The following MED12L variants were observed in gnomAD, a reference collection of about 807,000 sequenced individuals.
MED12L encodes mediator complex subunit 12L.
Under a neutral mutation model 281.3 loss-of-function variants are expected in MED12L, and 60 were observed. The ratio of observed to expected loss-of-function variants is 0.21; its 90% CI spans 0.17 to 0.26. The LOEUF is 0.26. Ranked by LOEUF, MED12L falls within the 10% of genes least tolerant of loss-of-function variation. The pLI is 1.00. For synonymous variants in MED12L, 974 were observed against 987.2 expected (o/e 0.99, Z 0.25); for missense variants, 2,146 against 2,680.9 (o/e 0.80, Z 4.41).
rs181578510 is a variant in MED12L at position 151,272,587 on chromosome 3, T to C, written c.2251-77472T>C. ...TTTCAGTGTGGATATTCTTACAAAG[T>C]GCATACTCGGGAAAGGTTGTTTGTC... is the stretch of plus-strand genomic sequence containing the variant. On this transcript the variant is annotated intron_variant, in intron 16 of 44. Coordinates refer to ENST00000687756, the MANE Select transcript of MED12L (RefSeq NM_001393769.1). 1.8e-3 allele frequency among the ~76,000 whole-genome samples: 278 copies of C among 152,334 alleles called. 1 individual carries two copies. Among genetic ancestry groups the C allele is most frequent in the Middle Eastern group, 0.014 (4 of 294 alleles).
At chr3:151,183,031 AT>A (rs769825623) in intron 11 of MED12L, among the ~76,000 whole-genome samples, 5 of 152,178 alleles carry the variant, frequency 3.3e-5, no homozygotes, top group Non-Finnish European at 5.9e-5. Context: ...GATTTCCACT[AT>A]GTTTAGATAG....
chr3:151,121,717 TTTTTA>T (rs1713784108), intron 3 of MED12L, among the ~76,000 whole-genome samples: 1 of 152,056 alleles, frequency 6.6e-6, no homozygotes, highest in Non-Finnish European at 1.5e-5. Flanking sequence ...TTATTTTTTA[TTTTTA>T]TTTTTATTTT....
chr3:151,113,861 GTTAGT>G (rs1426247407), intron 2 of MED12L, among the ~76,000 whole-genome samples: 1 of 152,168 alleles, frequency 6.6e-6, no homozygotes, highest in African/African-American at 2.4e-5. Context: ...CTGATCTGGT[GTTAGT>G]TTAAAGTAAA....
In MED12L at chr3:151,430,296, C is replaced by T. The variant is rs752323712; in HGVS notation, c.6409-3C>T. ...TCTGTCCTTTCTCCTGTCGCCATTACAGTTTCCCAGGCAAGGCTTGCAGCA... is the reference window on the plus strand; with the variant it reads ...TCTGTCCTTTCTCCTGTCGCCATTATAGTTTCCCAGGCAAGGCTTGCAGCA... On this transcript the variant is annotated splice_region_variant and splice_polypyrimidine_tract_variant and intron_variant, in intron 43 of 44. Coordinates refer to ENST00000687756, the MANE Select transcript of MED12L (RefSeq NM_001393769.1). 6.2e-7 allele frequency: 1 copy of T among 1,614,112 alleles called. No individual in the cohort carries two copies. The highest frequency in any genetic ancestry group is 2.2e-5 in the East Asian group (1 of 44,874).
intron 16 of MED12L, among the ~76,000 whole-genome samples, chr3:151,299,269 G>A (rs565458228): frequency 1.3e-5 from 2 of 152,256 alleles, no homozygotes; most frequent in Admixed American, 6.5e-5. Flanking sequence ...AATAATAAAA[G>A]TCATTCAAAT....
intron 32 of MED12L, among the ~76,000 whole-genome samples, chr3:151,382,233 A>G (rs906063990): frequency 1.1e-4 from 16 of 152,246 alleles, no homozygotes; most frequent in Admixed American, 9.8e-4. Context: ...CTTCTCTTCT[A>G]TAAAACATCA....
At position 151,381,145 on chromosome 3, in the gene MED12L, T is replaced by A. The variant is rs146656745; in HGVS notation, c.4590+921T>A. Among the ~76,000 whole-genome samples the A allele has an allele frequency of 3.8e-3, 573 of 152,314 alleles. 1 individual carries two copies. The highest frequency in any genetic ancestry group is 0.013 in the African/African-American group (555 of 41,560). Reference sequence around the variant, plus strand: ...ATTAAGCAAAGTGGATAGATTGGTCTTATGAGGTGTTTTATCCTGATACAC... The same window carrying A: ...ATTAAGCAAAGTGGATAGATTGGTCATATGAGGTGTTTTATCCTGATACAC... On this transcript the variant is annotated intron_variant, in intron 32 of 44. Transcript: ENST00000687756.
At chr3:151,418,040 C>T (rs892475684) in intron 43 of MED12L, among the ~76,000 whole-genome samples, 8 of 152,064 alleles carry the variant, frequency 5.3e-5, no homozygotes, top group Non-Finnish European at 1.2e-4. Context: ...ACGAGATACA[C>T]CTTTTGTTTT....
In MED12L at chr3:151,432,043, A is replaced by G. The variant is rs76942356; in HGVS notation, c.6491-709A>G. 8.4e-3 allele frequency among the ~76,000 whole-genome samples: 1,278 copies of G among 152,310 alleles called. 19 individuals carry two copies. Among genetic ancestry groups the G allele is most frequent in the African/African-American group, 0.029 (1,217 of 41,582 alleles). On this transcript the variant is annotated intron_variant, in intron 44 of 44. Coordinates refer to ENST00000687756, the MANE Select transcript of MED12L (RefSeq NM_001393769.1). ...CTGATAAGCAGTTATGCCACACTCC[A>G]TTGTTGAAGGGTGGTGACTAAACTG...
rs551243123 is a variant in MED12L, at chr3:151,284,766, A to C, written c.2251-65293A>C. On this transcript the variant is annotated intron_variant, in intron 16 of 44. Coordinates refer to ENST00000687756, the MANE Select transcript of MED12L (RefSeq NM_001393769.1). Reference sequence around the variant, plus strand: ...TGGGATTACAGGCATGCACCACCACACCTGGCTAATTTTGTATTTTCAGTA... The same window carrying C: ...TGGGATTACAGGCATGCACCACCACCCCTGGCTAATTTTGTATTTTCAGTA... Among the ~76,000 whole-genome samples, 3 of 152,210 alleles carry C rather than the reference A, an allele frequency of 2.0e-5. No individual in the cohort carries two copies. The East Asian group carries it at 5.8e-4, about 29-fold the overall frequency.
intron 3 of MED12L, among the ~76,000 whole-genome samples, chr3:151,118,447 TTG>T (rs931861498): frequency 1.3e-5 from 2 of 152,220 alleles, no homozygotes; most frequent in African/African-American, 4.8e-5. Flanking sequence ...GTTTTTAGTT[TTG>T]TCTTTTTTCA....
rs1232992599 is a variant in MED12L at position 151,085,724 on chromosome 3, T to C, written c.-342T>C. Reference sequence around the variant, plus strand: ...CTCGGAAGCTCGCGCTCCCGGGCCGTGGGGGCGAGAACGCCGGCGGCGAGC... The same window carrying C: ...CTCGGAAGCTCGCGCTCCCGGGCCGCGGGGGCGAGAACGCCGGCGGCGAGC... On this transcript the variant is annotated 5_prime_UTR_variant, in exon 1 of 45. Transcript: ENST00000687756. The C allele has an allele frequency of 1.3e-5, 2 of 151,960 alleles. No homozygotes were observed. Among genetic ancestry groups the C allele is most frequent in the Admixed American group, 1.3e-4 (2 of 15,258 alleles). 9.4% of individuals were successfully genotyped at this position (151,960 alleles called of 1,614,324 possible). A position where few individuals can be genotyped will look rare whatever the true frequency, so the allele number is the denominator to read the frequency against.
Position 151,243,824 on chromosome 3 carries a change from A to C in MED12L, c.2250+50158A>C, listed in dbSNP as rs892844878. Reference sequence around the variant, plus strand: ...CCAATTAAACGACACAGACTGGCAAATTGGATAAAGAGTCAAGACCCATCA... The same window carrying C: ...CCAATTAAACGACACAGACTGGCAACTTGGATAAAGAGTCAAGACCCATCA... On this transcript the variant is annotated intron_variant, in intron 16 of 44. Transcript: ENST00000687756. Among the ~76,000 whole-genome samples, 3 of 151,328 alleles carry C rather than the reference A, an allele frequency of 2.0e-5. No homozygotes were observed. In the South Asian group the frequency reaches 6.3e-4, roughly 32 times the overall value.
At chr3:151,093,284 A>G (rs1011477993) in intron 2 of MED12L, among the ~76,000 whole-genome samples, 4 of 152,204 alleles carry the variant, frequency 2.6e-5, no homozygotes, top group Admixed American at 2.0e-4. Flanking sequence ...AGCTTGGGCT[A>G]TAGAGTGGTA....
chr3:151,152,085 G>GTTTTTTTTTTTTTTTTTTTTTTTTTTTT (rs141353889), intron 5 of MED12L, among the ~76,000 whole-genome samples: 1 of 62,984 alleles, frequency 1.6e-5, no homozygotes, highest in African/African-American at 6.3e-5. Context: ...GTTGAAGGTG[G>GTTTTTTTTTTTTTTTTTTTTTTTTTTTT]TTTTTTTTTT....
intron 21 of MED12L, among the ~76,000 whole-genome samples, chr3:151,364,495 C>T (rs1188739205): frequency 2.0e-5 from 3 of 152,120 alleles, no homozygotes; most frequent in Admixed American, 6.5e-5. Context: ...CACAGCTGTG[C>T]CATAGTCTCC....
chr3:151,229,750 C>G (rs1406885119), intron 16 of MED12L, among the ~76,000 whole-genome samples: 1 of 152,086 alleles, frequency 6.6e-6, no homozygotes, highest in Admixed American at 6.5e-5. Flanking sequence ...CAGGCATGAG[C>G]CACTGCGCCA....
chr3:151,207,250 A>G (rs968075667), intron 16 of MED12L, among the ~76,000 whole-genome samples: 12 of 152,146 alleles, frequency 7.9e-5, no homozygotes, highest in African/African-American at 2.9e-4. Context: ...TCAAGTATTT[A>G]TGAAAAATTA....
chr3:151,142,565 C>T (rs949455963), intron 5 of MED12L, among the ~76,000 whole-genome samples: 5 of 152,194 alleles, frequency 3.3e-5, no homozygotes, highest in African/African-American at 1.2e-4. Context: ...CCCCTCCTTA[C>T]ATAGTTTAGA....
Sources: allele counts gnomAD v4.1 joint callset (sites outside exome capture counted in the v4.1 genomes callset), GRCh38; gene constraint gnomAD v4.1.1; transcripts MANE v1.5; gene names NCBI Gene and HGNC (gene_info 2026-07-23, HGNC 2026-07-21).